Variants in SPATS2L observed in about 807,000 individuals in gnomAD.
SPATS2L encodes spermatogenesis associated serine rich 2 like.
SPATS2L carries 30 observed loss-of-function variants against 59.6 expected under a neutral mutation model. The observed-to-expected ratio is 0.50, with a 90% CI of 0.38 to 0.68. The LOEUF (loss-of-function observed/expected upper bound fraction) is 0.68, where lower values mean the gene tolerates loss of function less well. Ranked by LOEUF, SPATS2L falls within the 30% of genes least tolerant of loss-of-function variation. SPATS2L has a pLI of 0.00. For synonymous variants in SPATS2L, 252 were observed against 263.5 expected (o/e 0.96, Z 0.42); for missense variants, 615 against 700.0 (o/e 0.88, Z 1.37).
chr2:200,373,393 G>A (rs138605328), intron 2 of SPATS2L: 4 of 151,856 alleles, frequency 2.6e-5, no homozygotes, highest in Non-Finnish European at 5.9e-5. Context: ...GTCTAGTCAA[G>A]TATCATTCGA....
Position 200,382,302 on chromosome 2 carries a change from T to C in SPATS2L, c.-22-6921T>C, listed in dbSNP as rs187345039. On this transcript the variant is annotated intron_variant, in intron 2 of 12. Coordinates refer to ENST00000409140, the MANE Select transcript of SPATS2L (RefSeq NM_001100423.2). ...ACTGATCAGGCTGGTCTCGAACTCC[T>C]GACCTTAGGTGATCCACCCGCCTCG... 8.2e-3 allele frequency among the ~76,000 whole-genome samples: 1,245 copies of C among 152,302 alleles called. 18 individuals are homozygous for C. Among genetic ancestry groups the C allele is most frequent in the Middle Eastern group, 0.082 (24 of 294 alleles).
chr2:200,400,461 C>T (rs572938814), intron 3 of SPATS2L, among the ~76,000 whole-genome samples: 13 of 152,196 alleles, frequency 8.5e-5, no homozygotes, highest in African/African-American at 3.1e-4. Context: ...CTTGTTTAAA[C>T]GTAGATCAAA....
At chr2:200,449,097 A>G (rs2085264046) in intron 8 of SPATS2L, among the ~76,000 whole-genome samples, 1 of 152,214 alleles carries the variant, frequency 6.6e-6, no homozygotes, top group Non-Finnish European at 1.5e-5. Context: ...ATCTTGCCTC[A>G]TTTGTGAATA....
intron 3 of SPATS2L, among the ~76,000 whole-genome samples, chr2:200,410,352 T>G (rs1450583637): frequency 6.6e-6 from 1 of 152,072 alleles, no homozygotes; most frequent in Non-Finnish European, 1.5e-5. Flanking sequence ...GGAGGGATTT[T>G]TTTGTGTTTT....
intron 8 of SPATS2L, among the ~76,000 whole-genome samples, chr2:200,456,204 A>G (rs1273860282): frequency 6.6e-6 from 1 of 152,206 alleles, no homozygotes; most frequent in East Asian, 1.9e-4. Flanking sequence ...GCATCAGTTC[A>G]TCAGCTCCAA....
At chr2:200,392,203 T>G in intron 3 of SPATS2L, among the ~76,000 whole-genome samples, 1 of 152,082 alleles carries the variant, frequency 6.6e-6, no homozygotes, top group African/African-American at 2.4e-5. Context: ...ACCAGGTGAT[T>G]AGAGGGTTGG....
At chr2:200,461,715 T>C (rs2086252500) in intron 9 of SPATS2L, among the ~76,000 whole-genome samples, 1 of 152,236 alleles carries the variant, frequency 6.6e-6, no homozygotes, top group African/African-American at 2.4e-5. Flanking sequence ...TTTGATGTGA[T>C]GTCTTTCTTT....
intron 2 of SPATS2L, among the ~76,000 whole-genome samples, chr2:200,381,496 C>G (rs919345883): frequency 6.6e-6 from 1 of 152,172 alleles, no homozygotes; most frequent in Non-Finnish European, 1.5e-5. Context: ...CGAAGGGTAC[C>G]TGTCTTGTTT....
intron 7 of SPATS2L, 87 bp downstream of exon 7, chr2:200,439,415 T>C: frequency 8.7e-7 from 1 of 1,144,564 alleles, no homozygotes; most frequent in Non-Finnish European, 1.3e-6. Context: ...CAAAAGATGC[T>C]GCTTAGTGAA....
intron 11 of SPATS2L, among the ~76,000 whole-genome samples, chr2:200,470,620 G>A (rs2106232016): frequency 6.6e-6 from 1 of 152,310 alleles, no homozygotes; most frequent in South Asian, 2.1e-4. Context: ...AGGTGGGAAT[G>A]AGCACTGAAG....
chr2:200,405,526 C>T (rs1186378329), intron 3 of SPATS2L, among the ~76,000 whole-genome samples: 2 of 152,110 alleles, frequency 1.3e-5, no homozygotes, highest in African/African-American at 2.4e-5. Context: ...TGGAATTATC[C>T]ATGATGTGAA....
chr2:200,410,931 G>C (rs900611289), intron 3 of SPATS2L, among the ~76,000 whole-genome samples: 1 of 151,542 alleles, frequency 6.6e-6, no homozygotes, highest in African/African-American at 2.4e-5. Flanking sequence ...ACGTTAATTT[G>C]TTTTAATGGA....
chr2:200,378,552 C>G (rs548776885), intron 2 of SPATS2L, among the ~76,000 whole-genome samples: 1 of 152,286 alleles, frequency 6.6e-6, no homozygotes, highest in African/African-American at 2.4e-5. Context: ...TGTTTTTGTT[C>G]CGCCAGTGCC....
chr2:200,368,477 G>T (rs1179002189), intron 2 of SPATS2L, among the ~76,000 whole-genome samples: 1 of 152,184 alleles, frequency 6.6e-6, no homozygotes, highest in Admixed American at 6.5e-5. Flanking sequence ...TTTCTCTCTA[G>T]AGAAGTAAAG....
chr2:200,314,814 A>G (rs1438891110), intron 1 of SPATS2L, among the ~76,000 whole-genome samples: 3 of 152,234 alleles, frequency 2.0e-5, no homozygotes, highest in Non-Finnish European at 4.4e-5. Context: ...TAAGTGTAAA[A>G]TACACCATGC....
chr2:200,380,805 G>C (rs527369008), intron 2 of SPATS2L, among the ~76,000 whole-genome samples: 2 of 152,276 alleles, frequency 1.3e-5, no homozygotes, highest in East Asian at 3.9e-4. Context: ...ATGCAACCTT[G>C]AGTTTTTTTC....
chr2:200,306,321 G>T, upstream of SPATS2L: 1 of 1,002,386 alleles, frequency 1.0e-6, no homozygotes, highest in Non-Finnish European at 1.2e-6. Flanking sequence ...CTTGCAACAC[G>T]TGCGGATTGT....
chr2:200,456,081 T>C (rs542190090), intron 8 of SPATS2L, among the ~76,000 whole-genome samples: 1 of 152,278 alleles, frequency 6.6e-6, no homozygotes, highest in African/African-American at 2.4e-5. Flanking sequence ...ATTCTTCCCT[T>C]GACAAGCCTA....
chr2:200,449,114 T>C (rs1301942479), intron 8 of SPATS2L, among the ~76,000 whole-genome samples: 1 of 152,244 alleles, frequency 6.6e-6, no homozygotes, highest in African/African-American at 2.4e-5. Flanking sequence ...AATATGTGTC[T>C]TTCTAAATAG....
Sources: gnomAD v4.1 joint callset for allele counts (sites outside exome capture counted in the v4.1 genomes callset) on GRCh38, gnomAD v4.1.1 for gene constraint, MANE v1.5 for transcripts, NCBI Gene and HGNC (gene_info 2026-07-23, HGNC 2026-07-21) for gene names.